Variants in NUP210L observed in about 807,000 individuals in gnomAD.
The protein encoded by NUP210L is nucleoporin 210 like, also known as nuclear pore membrane glycoprotein 210-like.
In NUP210L, 74 loss-of-function variants were observed where a neutral mutation model predicts 208.5. The ratio of observed to expected loss-of-function variants is 0.35; its 90% CI spans 0.29 to 0.43. The LOEUF (loss-of-function observed/expected upper bound fraction) is 0.43. Ranked by LOEUF, NUP210L falls within the 20% of genes least tolerant of loss-of-function variation. The pLI, the probability that NUP210L is intolerant of heterozygous loss-of-function variation, is 1.00. For synonymous variants in NUP210L, 780 were observed against 816.9 expected (o/e 0.95, Z 0.77); for missense variants, 1,843 against 2,289.4 (o/e 0.81, Z 3.98).
rs376409501 is a variant in NUP210L at position 154,025,630 on chromosome 1, T to G, written c.4034A>C (p.Lys1345Thr). Residue 1345 changes from lysine (K) to threonine (T), a missense_variant, in exon 30 of 40, where the codon AAA (lysine) becomes ACA (threonine). Around this residue, in one of 5 missense-constraint regions of NUP210L, gnomAD observed 781 missense variants for 973.8 expected, o/e 0.80. Coordinates refer to ENST00000368559, the Ensembl canonical transcript of NUP210L. ...AGCAGTACCTGCAATGGAACCAGCT[T>G]TCAGGAGCCCTTCACCATCCTCCTC... 4.3e-6 allele frequency: 7 copies of G among 1,613,868 alleles called. No homozygotes were observed. In the African/African-American group the frequency reaches 9.3e-5, roughly 22 times the overall value.
chr1:154,005,102 C>T (rs746925843), intron 35 of NUP210L, among the ~76,000 whole-genome samples: 12 of 151,044 alleles, frequency 7.9e-5, no homozygotes, highest in South Asian at 2.1e-4. Flanking sequence ...CCACCCTCCT[C>T]GGCCTCCCAA....
At chr1:154,034,839 CTCTCT>C (rs1261112408) in intron 27 of NUP210L, among the ~76,000 whole-genome samples, 13 of 145,458 alleles carry the variant, frequency 8.9e-5, no homozygotes, top group Non-Finnish European at 1.8e-4. Flanking sequence ...CTCTCTCTCT[CTCTCT>C]TTTTTTTTTT....
intron 21 of NUP210L, 151 bp from the exon 22 acceptor site, chr1:154,058,367 T>G: frequency 9.4e-7 from 1 of 1,060,402 alleles, no homozygotes; most frequent in Non-Finnish European, 1.4e-6. Context: ...GTGTATTGTT[T>G]TAAGTTGGTT....
chr1:154,117,734 T>C, exon 12 of NUP210L: 4 of 1,609,536 alleles, frequency 2.5e-6, no homozygotes, highest in Non-Finnish European at 3.4e-6. Flanking sequence ...CCTTAATTTC[T>C]CCATATCGAA....
chr1:154,032,683 C>T (rs796518623), intron 27 of NUP210L, among the ~76,000 whole-genome samples: 3 of 151,544 alleles, frequency 2.0e-5, no homozygotes, highest in South Asian at 2.1e-4. Flanking sequence ...TTTGGGAGGC[C>T]GAGGCAGGTG....
intron 38 of NUP210L, 43 bp downstream of exon 38, chr1:153,995,033 G>T: frequency 6.7e-6 from 8 of 1,195,292 alleles, no homozygotes; most frequent in Non-Finnish European, 9.6e-6. Context: ...AAAAAAGGCA[G>T]TTTTCATGTC....
At chr1:154,140,841 A>C (rs186913563) in intron 4 of NUP210L, among the ~76,000 whole-genome samples, 1 of 150,650 alleles carries the variant, frequency 6.6e-6, no homozygotes, top group African/African-American at 2.4e-5. Flanking sequence ...AACAACAAAA[A>C]AAATTAGCTG....
chr1:154,110,708 G>C (rs1356977341), intron 12 of NUP210L, among the ~76,000 whole-genome samples: 1 of 151,162 alleles, frequency 6.6e-6, no homozygotes, highest in African/African-American at 2.5e-5. Context: ...GTGAAACCTT[G>C]TCTCTACAAA....
intron 15 of NUP210L, among the ~76,000 whole-genome samples, chr1:154,090,016 A>T (rs1655821462): frequency 6.6e-6 from 1 of 152,040 alleles, no homozygotes; most frequent in East Asian, 1.9e-4. Flanking sequence ...GGTCAAGGCT[A>T]CAGTGAGCCA....
chr1:154,056,890 A>C (rs1375359460), exon 23 of NUP210L: 2 of 1,609,296 alleles, frequency 1.2e-6, no homozygotes, highest in African/African-American at 2.7e-5. Context: ...TGGTTTGCCC[A>C]ATAGTGGTAG....
In NUP210L at chr1:154,035,131, C is replaced by T. The variant is rs376642918; in HGVS notation, c.3697-5077G>A. On this transcript the variant is annotated intron_variant, in intron 27 of 39. Coordinates refer to ENST00000368559, the Ensembl canonical transcript of NUP210L. The stretch of plus-strand genomic sequence containing the variant: ...CTGGGATTACAGGCGTGAGCCACCA[C>T]GCCCAGCCAATGTCTCTTTTTCCAC... Among the ~76,000 whole-genome samples the T allele has an allele frequency of 1.9e-4, 29 of 152,204 alleles. No homozygotes were observed. In the East Asian group the frequency reaches 1.9e-3, roughly 10 times the overall value.
At chr1:154,037,744 C>T (rs1652641629) in intron 27 of NUP210L, among the ~76,000 whole-genome samples, 1 of 152,128 alleles carries the variant, frequency 6.6e-6, no homozygotes, top group South Asian at 2.1e-4. Context: ...TCTCAGCTCA[C>T]TGCAGCCTCC....
intron 15 of NUP210L, among the ~76,000 whole-genome samples, chr1:154,093,398 C>T (rs1329273776): frequency 1.3e-5 from 2 of 151,854 alleles, no homozygotes; most frequent in Non-Finnish European, 2.9e-5. Context: ...ATTGCACTCC[C>T]ACCTGGGCAA....
chr1:154,089,227 C>T (rs1445675235), intron 16 of NUP210L, among the ~76,000 whole-genome samples, 194 bp downstream of exon 16: 1 of 152,102 alleles, frequency 6.6e-6, no homozygotes, highest in Non-Finnish European at 1.5e-5. Context: ...CCCTTGTGCA[C>T]TGTTGGTAAG....
At position 154,078,045 on chromosome 1, in the gene NUP210L, C is replaced by T. The variant is rs575024845; in HGVS notation, c.2362-7580G>A. ...TTATAGGCTGTGTGGTGGCTCAAGC[C>T]TGTAATCTCAGCACTTTGGGAGGTC... On this transcript the variant is annotated intron_variant, in intron 16 of 39. Transcript: ENST00000368559. 3.3e-5 allele frequency among the ~76,000 whole-genome samples: 5 copies of T among 151,822 alleles called. No homozygotes were observed. The East Asian group carries it at 9.7e-4, about 29-fold the overall frequency.
intron 33 of NUP210L, among the ~76,000 whole-genome samples, chr1:154,017,284 CAA>C (rs1266870105): frequency 7.4e-5 from 8 of 107,392 alleles, no homozygotes; most frequent in Admixed American, 1.1e-4. Flanking sequence ...CTGTCTCCAA[CAA>C]AAAAAAAAAA....
chr1:154,069,116 C>T (rs2148010181), intron 17 of NUP210L, among the ~76,000 whole-genome samples: 1 of 152,128 alleles, frequency 6.6e-6, no homozygotes, highest in African/African-American at 2.4e-5. Context: ...TAGGCAATAC[C>T]ATTCAGGACA....
At chr1:154,026,216 A>T (rs1651869656) in intron 29 of NUP210L, among the ~76,000 whole-genome samples, 2 of 151,892 alleles carry the variant, frequency 1.3e-5, no homozygotes, top group African/African-American at 4.8e-5. Context: ...AGCCTGGGGG[A>T]CAAGAGCAAA....
chr1:154,013,805 C>T (rs192222940), intron 33 of NUP210L, among the ~76,000 whole-genome samples: 34 of 152,240 alleles, frequency 2.2e-4, no homozygotes, highest in African/African-American at 7.5e-4. Flanking sequence ...TGCTCTGTCA[C>T]TCAGGCTACA....
Sources: gnomAD v4.1 joint callset for allele counts (sites outside exome capture counted in the v4.1 genomes callset) on GRCh38, gnomAD v4.1.1 for gene constraint, gnomAD v4.1.1 regional missense constraint, MANE v1.5 for transcripts, NCBI Gene and HGNC (gene_info 2026-07-23, HGNC 2026-07-21) for gene names.